TEX29: variants seen among roughly 807,000 people sequenced by gnomAD.
TEX29 encodes the protein testis expressed 29, also known as testis-expressed protein 29.
TEX29 carries 26 observed loss-of-function variants against 18.2 expected under a neutral mutation model. The observed-to-expected ratio is 1.43, with a 90% CI of 1.04 to 1.98. The LOEUF is 1.98. Ranked by LOEUF, TEX29 falls within the 30% of genes most tolerant of loss-of-function variation. The probability of loss-of-function intolerance (pLI) is 0.00; values close to 1 mark genes in which losing one functional copy is unlikely to be tolerated. For synonymous variants in TEX29, 83 were observed against 78.5 expected (o/e 1.06, Z -0.31); for missense variants, 177 against 194.2 (o/e 0.91, Z 0.53).
In TEX29 at chr13:111,344,228, A is replaced by T. The variant is rs1215069347; in HGVS notation, c.*105A>T. The T allele has an allele frequency of 1.0e-6, 1 of 971,100 alleles. No homozygotes were observed. Among genetic ancestry groups the T allele is most frequent in the Non-Finnish European group, 1.6e-6 (1 of 628,290 alleles). 60.2% of individuals were successfully genotyped at this position (971,100 alleles called of 1,614,324 possible). On this transcript the variant is annotated 3_prime_UTR_variant, in exon 6 of 6. Coordinates refer to ENST00000283547, the MANE Select transcript of TEX29 (RefSeq NM_152324.3). ...GGAATGACCACCCAAAGAGAAAAAA[A>T]TAAAGGTATTTTGAAAATTGCTTCT...
chr13:111,316,870 T>G (rs1196011987), upstream of TEX29, among the ~76,000 whole-genome samples: 1 of 152,146 alleles, frequency 6.6e-6, no homozygotes, highest in Non-Finnish European at 1.5e-5. Context: ...TCAGGAAACT[T>G]ACAATCATGG....
chr13:111,318,618 TG>T (rs35553065), upstream of TEX29, among the ~76,000 whole-genome samples: 42,854 of 152,052 alleles, frequency 0.28, 6,913 homozygotes, highest in East Asian at 0.81. Context: ...CAGGCTCATC[TG>T]TCTCCACTCC....
rs73631744 is a variant in TEX29, at chr13:111,334,211, G to A, written c.170-5652G>A. Among the ~76,000 whole-genome samples the A allele has an allele frequency of 3.8e-3, 580 of 152,158 alleles. 4 individuals carry two copies. The highest frequency in any genetic ancestry group is 0.013 in the African/African-American group (548 of 41,506). ...AGATAATATAGCACCTCTGAGAATC[G>A]GGTTCTTTCACCTCCCCAGGTTTTA... On this transcript the variant is annotated intron_variant, in intron 3 of 5. Coordinates refer to ENST00000283547, the MANE Select transcript of TEX29 (RefSeq NM_152324.3).
chr13:111,344,189 G>A lies in TEX29; in HGVS notation c.*66G>A. 7.3e-7 allele frequency: 1 copy of A among 1,364,192 alleles called. No homozygotes were observed. The highest frequency in any genetic ancestry group is 1.2e-5 in the South Asian group (1 of 81,394). The allele number at this position is 1,364,192 out of a possible 1,614,324, so 84.5% of individuals were successfully genotyped here. Reference sequence around the variant, plus strand: ...AATGAAATGGTACAGCAGGTGCACTGTTAACAGTGTGATGGAATGACCACC... The same window carrying A: ...AATGAAATGGTACAGCAGGTGCACTATTAACAGTGTGATGGAATGACCACC... On this transcript the variant is annotated 3_prime_UTR_variant, in exon 6 of 6. Transcript: ENST00000283547.
At chr13:111,323,039 A>G (rs2153641222) in intron 2 of TEX29, among the ~76,000 whole-genome samples, 2 of 152,332 alleles carry the variant, frequency 1.3e-5, no homozygotes, top group South Asian at 4.1e-4. Context: ...AACTTTGCAG[A>G]TGTGGAAGAG....
chr13:111,338,179 T>A (rs1489578754), intron 3 of TEX29, among the ~76,000 whole-genome samples: 1 of 152,112 alleles, frequency 6.6e-6, no homozygotes, highest in East Asian at 1.9e-4. Context: ...GAAGTTTAGA[T>A]CCCTGGTACC....
At chr13:111,337,529 G>A (rs1051789069) in intron 3 of TEX29, among the ~76,000 whole-genome samples, 8 of 152,070 alleles carry the variant, frequency 5.3e-5, no homozygotes, top group African/African-American at 1.7e-4. Context: ...ACCTGGTCTC[G>A]GGGGTTAGAC....
At chr13:111,326,335 A>AGCGTGAGGCTGTCTGGTGGGGTGGAGGAG (rs1567159593) in intron 2 of TEX29, among the ~76,000 whole-genome samples, 3 of 13,806 alleles carry the variant, frequency 2.2e-4, no homozygotes, top group Non-Finnish European at 3.1e-4. Context: ...GACTGCGGGC[A>AGCGTGAGGCTGTCTGGTGGGGTGGAGGAG]ACGCGAGCCT....
upstream of TEX29, among the ~76,000 whole-genome samples, chr13:111,320,341 G>A (rs531258813): frequency 7.9e-5 from 12 of 152,324 alleles, no homozygotes; most frequent in Admixed American, 2.0e-4. Flanking sequence ...AGGAAGGACC[G>A]GGACACAAAG....
At chr13:111,324,752 C>T (rs766153137) in intron 2 of TEX29, among the ~76,000 whole-genome samples, 4 of 152,300 alleles carry the variant, frequency 2.6e-5, no homozygotes, top group East Asian at 3.9e-4. Flanking sequence ...CTGCCTGGGT[C>T]GGAAAGCCCT....
At position 111,344,144 on chromosome 13, in the gene TEX29, G is replaced by A; in HGVS notation, c.*21G>A. The A allele has an allele frequency of 6.2e-7, 1 of 1,607,944 alleles. No homozygotes were observed. Among genetic ancestry groups the A allele is most frequent in the Non-Finnish European group, 8.5e-7 (1 of 1,174,616 alleles). ...ACTGACTGAGACGCATGAAGAAGTG[G>A]AGATTGTCAGAATTATCCAAATGAA... On this transcript the variant is annotated 3_prime_UTR_variant, in exon 6 of 6. Transcript: ENST00000283547.
chr13:111,324,893 C>T (rs1341330880), intron 2 of TEX29, among the ~76,000 whole-genome samples: 4 of 152,194 alleles, frequency 2.6e-5, no homozygotes, highest in South Asian at 2.1e-4. Flanking sequence ...CGTTTACCAC[C>T]GTGCTGGCGT....
intron 3 of TEX29, 66 bp downstream of exon 3, chr13:111,328,359 C>T: frequency 2.8e-6 from 3 of 1,065,930 alleles, no homozygotes; most frequent in Non-Finnish European, 4.4e-6. Flanking sequence ...CCGACCACTG[C>T]CCTGCCTGTC....
At chr13:111,342,389 C>T (rs1284809907) in intron 4 of TEX29, among the ~76,000 whole-genome samples, 1 of 151,914 alleles carries the variant, frequency 6.6e-6, no homozygotes, top group African/African-American at 2.4e-5. Context: ...CTGTTTGGAG[C>T]CTGCACAAGA....
chr13:111,320,560 G>T, upstream of TEX29: 1 of 425,738 alleles, frequency 2.3e-6, no homozygotes. Context: ...CCGAAGTCCT[G>T]TGTGACGCCC....
At chr13:111,327,815 A>G (rs1483267054) in intron 2 of TEX29, among the ~76,000 whole-genome samples, 2 of 152,206 alleles carry the variant, frequency 1.3e-5, no homozygotes, top group Non-Finnish European at 2.9e-5. Context: ...TAACTCCTGT[A>G]TGCTTAAGTG....
At chr13:111,331,510 CTT>C (rs1457599747) in intron 3 of TEX29, among the ~76,000 whole-genome samples, 2 of 151,910 alleles carry the variant, frequency 1.3e-5, no homozygotes, top group Non-Finnish European at 2.9e-5. Flanking sequence ...TCTTACATGT[CTT>C]TTCTTTTTCT....
chr13:111,337,948 G>A (rs1442365954), intron 3 of TEX29, among the ~76,000 whole-genome samples: 2 of 152,128 alleles, frequency 1.3e-5, no homozygotes, highest in African/African-American at 2.4e-5. Flanking sequence ...CGAGGATGTG[G>A]GTTACCCTCA....
At chr13:111,320,505 T>A (rs1417931116), upstream of TEX29, among the ~76,000 whole-genome samples, 1 of 152,182 alleles carries the variant, frequency 6.6e-6, no homozygotes, top group Non-Finnish European at 1.5e-5. Context: ...CTGAGTGGCC[T>A]TCGTCCTCAA....
Sources: gnomAD v4.1 joint callset for allele counts (sites outside exome capture counted in the v4.1 genomes callset) on GRCh38, gnomAD v4.1.1 for gene constraint, MANE v1.5 for transcripts, NCBI Gene and HGNC (gene_info 2026-07-23, HGNC 2026-07-21) for gene names.